Variants in LOC128462377 observed in about 807,000 individuals in gnomAD.
the LOC128462377 span, among the ~76,000 whole-genome samples, chr16:89,411,370 T>C: frequency 1.3e-5 from 2 of 152,250 alleles, no homozygotes; most frequent in African/African-American, 4.8e-5. Context: ...CAGGCTGCCC[T>C]GGCTGGGCCA....
At chr16:89,380,930 C>T in the LOC128462377 span, among the ~76,000 whole-genome samples, 3 of 152,166 alleles carry the variant, frequency 2.0e-5, no homozygotes, top group Admixed American at 6.5e-5. Context: ...ACGGAGCACG[C>T]ATCCCTGCTT....
At chr16:89,378,724 T>G in the LOC128462377 span, among the ~76,000 whole-genome samples, 3 of 152,280 alleles carry the variant, frequency 2.0e-5, no homozygotes, top group East Asian at 3.9e-4. Context: ...GGATTACAGG[T>G]GTGTGCCACC....
chr16:89,410,226 G>T, the LOC128462377 span, among the ~76,000 whole-genome samples: 1 of 152,124 alleles, frequency 6.6e-6, no homozygotes, highest in Admixed American at 6.6e-5. Flanking sequence ...CAACCCGGTG[G>T]GTACGGCCCT....
At chr16:89,320,086 C>G in the LOC128462377 span, 1 of 152,338 alleles carries the variant, frequency 6.6e-6, no homozygotes, top group Non-Finnish European at 1.5e-5. Flanking sequence ...CCAACAGGCT[C>G]TGCTGACTCA....
the LOC128462377 span, among the ~76,000 whole-genome samples, chr16:89,338,306 C>G: frequency 1.1e-4 from 17 of 152,054 alleles, no homozygotes; most frequent in South Asian, 3.3e-3. Context: ...CCCTCCCCTA[C>G]CAAGCCAGGA....
the LOC128462377 span, among the ~76,000 whole-genome samples, chr16:89,344,449 C>A: frequency 6.6e-6 from 1 of 152,208 alleles, no homozygotes; most frequent in Non-Finnish European, 1.5e-5. Flanking sequence ...TGTCCACACA[C>A]TCCTAGAAAA....
At chr16:89,365,575 T>TCTTG in the LOC128462377 span, among the ~76,000 whole-genome samples, 1 of 152,248 alleles carries the variant, frequency 6.6e-6, no homozygotes, top group Non-Finnish European at 1.5e-5. Context: ...AGCTCTTATG[T>TCTTG]CTTGTGTATG....
chr16:89,392,698 T>C, the LOC128462377 span: 3 of 148,894 alleles, frequency 2.0e-5, no homozygotes, highest in Non-Finnish European at 4.4e-5. Context: ...GCAGACCCAA[T>C]CAACATGGTT....
At chr16:89,358,487 A>G in the LOC128462377 span, among the ~76,000 whole-genome samples, 1 of 152,268 alleles carries the variant, frequency 6.6e-6, no homozygotes, top group Non-Finnish European at 1.5e-5. Context: ...AAGGATAACT[A>G]GTTGAGAAGA....
At chr16:89,393,141 G>C in the LOC128462377 span, among the ~76,000 whole-genome samples, 10 of 151,870 alleles carry the variant, frequency 6.6e-5, no homozygotes, top group African/African-American at 2.4e-4. Context: ...GGAGCCTCTG[G>C]AAGTCTCCCT....
the LOC128462377 span, among the ~76,000 whole-genome samples, chr16:89,344,603 G>C: frequency 6.6e-6 from 1 of 152,232 alleles, no homozygotes; most frequent in Non-Finnish European, 1.5e-5. Flanking sequence ...CAATGCAAGC[G>C]TCCGGGAGGA....
chr16:89,402,026 G>A, the LOC128462377 span, among the ~76,000 whole-genome samples: 1 of 151,296 alleles, frequency 6.6e-6, no homozygotes, highest in East Asian at 2.0e-4. Flanking sequence ...TCCTTGCTGT[G>A]AAAGCTCCTG....
At chr16:89,384,212 TC>T in the LOC128462377 span, among the ~76,000 whole-genome samples, 2 of 152,096 alleles carry the variant, frequency 1.3e-5, no homozygotes, top group African/African-American at 4.8e-5. Flanking sequence ...AGAGCGAGAC[TC>T]CATCTCAAAA....
chr16:89,405,490 CA>C, the LOC128462377 span, among the ~76,000 whole-genome samples: 1 of 141,030 alleles, frequency 7.1e-6, no homozygotes, highest in Non-Finnish European at 1.5e-5. Context: ...ACACCTGGCT[CA>C]TTTTTTTTTT....
the LOC128462377 span, among the ~76,000 whole-genome samples, chr16:89,341,833 C>T: frequency 6.6e-6 from 1 of 151,998 alleles, no homozygotes; most frequent in African/African-American, 2.4e-5. Context: ...GCAGCCACGG[C>T]CCACGGCGGG....
chr16:89,356,989 C>T, the LOC128462377 span, among the ~76,000 whole-genome samples: 1 of 152,144 alleles, frequency 6.6e-6, no homozygotes, highest in Non-Finnish European at 1.5e-5. Context: ...TTGGTGGCTG[C>T]CTTGTCAGCA....
At chr16:89,330,887 T>G in the LOC128462377 span, among the ~76,000 whole-genome samples, 1 of 152,170 alleles carries the variant, frequency 6.6e-6, no homozygotes, top group African/African-American at 2.4e-5. Flanking sequence ...AATTTGACTG[T>G]ACAGTTCTAG....
chr16:89,318,807 C>T, the LOC128462377 span, among the ~76,000 whole-genome samples: 6 of 152,182 alleles, frequency 3.9e-5, no homozygotes, highest in Non-Finnish European at 5.9e-5. Flanking sequence ...AGGGACAGGT[C>T]GGGTCAACGT....
At chr16:89,372,442 G>C in the LOC128462377 span, among the ~76,000 whole-genome samples, 1 of 152,174 alleles carries the variant, frequency 6.6e-6, no homozygotes, top group Non-Finnish European at 1.5e-5. Flanking sequence ...AGTGAGAGGC[G>C]GCTCAGGGCA....
Sources: allele counts gnomAD v4.1 joint callset (sites outside exome capture counted in the v4.1 genomes callset), GRCh38; gene constraint gnomAD v4.1.1; transcripts MANE v1.5.